FOXN3: variants seen among roughly 807,000 people sequenced by gnomAD.
FOXN3 encodes the protein forkhead box N3, also known as forkhead box protein N3.
Under a neutral mutation model 38.4 loss-of-function variants are expected in FOXN3, and 7 were observed. That is an observed-to-expected ratio of 0.18 (90% CI 0.10 to 0.34). The LOEUF (loss-of-function observed/expected upper bound fraction) is 0.34. Among genes scored for constraint, FOXN3 ranks in the 10% least tolerant of loss-of-function variants. The pLI is 1.00. For missense variants in FOXN3, 456 were observed against 613.4 expected, an observed-to-expected ratio of 0.74 and a Z score of 2.71; for synonymous variants, 230 against 242.2, an observed-to-expected ratio of 0.95 and a Z score of 0.47.
At chr14:89,513,190 AG>A (rs1894132485) in intron 1 of FOXN3, among the ~76,000 whole-genome samples, 2 of 150,576 alleles carry the variant, frequency 1.3e-5, no homozygotes, top group Admixed American at 1.3e-4. Flanking sequence ...GAAAGAAACT[AG>A]GTAGTCACAG....
chr14:89,411,460 G>C (rs1011312178), intron 2 of FOXN3, among the ~76,000 whole-genome samples: 1 of 152,102 alleles, frequency 6.6e-6, no homozygotes, highest in East Asian at 1.9e-4. Context: ...GTTCATCACT[G>C]TCCACTTATG....
chr14:89,473,118 G>A lies in FOXN3; in HGVS notation c.-14-60628C>T, dbSNP rs955633696. Among the ~76,000 whole-genome samples the A allele has an allele frequency of 5.1e-4, 77 of 152,022 alleles. 2 individuals are homozygous for A. The highest frequency in any genetic ancestry group is 4.2e-3 in the Admixed American group (64 of 15,254). ...CAGCTCACTGTAAGCTCCATCTCCCGAGTTCACGCCATTCTCCTGCCTCAG... is the reference window on the plus strand; with the variant it reads ...CAGCTCACTGTAAGCTCCATCTCCCAAGTTCACGCCATTCTCCTGCCTCAG... On this transcript the variant is annotated intron_variant, in intron 1 of 6. Coordinates refer to the FOXN3 transcript ENST00000345097.
intron 4 of FOXN3, among the ~76,000 whole-genome samples, chr14:89,193,293 G>T (rs1200835357): frequency 6.6e-6 from 1 of 151,758 alleles, no homozygotes; most frequent in African/African-American, 2.4e-5. Flanking sequence ...TATTTATATG[G>T]CCAGAAAATT....
chr14:89,592,431 GGCTGTA>G (rs551403447), intron 1 of FOXN3, among the ~76,000 whole-genome samples: 83 of 151,364 alleles, frequency 5.5e-4, no homozygotes, highest in African/African-American at 1.9e-3. Context: ...GACACAACAA[GGCTGTA>G]GTATCATGAA....
intron 5 of FOXN3, among the ~76,000 whole-genome samples, chr14:89,165,375 G>A (rs956660041): frequency 6.6e-6 from 1 of 152,226 alleles, no homozygotes; most frequent in African/African-American, 2.4e-5. Context: ...TGTGGTGCCT[G>A]ATCATGTTTT....
intron 2 of FOXN3, among the ~76,000 whole-genome samples, chr14:89,358,101 G>A (rs1412725703): frequency 6.6e-6 from 1 of 151,968 alleles, no homozygotes; most frequent in African/African-American, 2.4e-5. Flanking sequence ...GCTTCTCAAA[G>A]TACATTCTAT....
At chr14:89,499,221 C>T (rs1223444106) in intron 1 of FOXN3, among the ~76,000 whole-genome samples, 1 of 152,038 alleles carries the variant, frequency 6.6e-6, no homozygotes, top group Non-Finnish European at 1.5e-5. Context: ...TCCCACAGTT[C>T]CCTCCTGTTT....
intron 4 of FOXN3, among the ~76,000 whole-genome samples, chr14:89,241,333 C>T (rs1358347437): frequency 2.0e-5 from 3 of 152,324 alleles, no homozygotes; most frequent in Admixed American, 6.5e-5. Flanking sequence ...CCAACTTCTA[C>T]TCAGCCACTT....
chr14:89,571,943 G>A (rs1435279471), intron 1 of FOXN3, among the ~76,000 whole-genome samples: 1 of 152,170 alleles, frequency 6.6e-6, no homozygotes, highest in Non-Finnish European at 1.5e-5. Flanking sequence ...GAGTCTTATG[G>A]TCCAATTCTT....
At chr14:89,459,490 G>T (rs1892794003) in intron 1 of FOXN3, among the ~76,000 whole-genome samples, 1 of 152,204 alleles carries the variant, frequency 6.6e-6, no homozygotes, top group African/African-American at 2.4e-5. Flanking sequence ...ATGAGCTCCA[G>T]CGAGATTATA....
intron 1 of FOXN3, among the ~76,000 whole-genome samples, chr14:89,617,772 C>G (rs1016122576): frequency 2.6e-5 from 4 of 152,150 alleles, no homozygotes; most frequent in African/African-American, 9.7e-5. Flanking sequence ...AAAGGTATCT[C>G]GAGCAAACTG....
At chr14:89,499,120 C>A (rs1258020377) in intron 1 of FOXN3, among the ~76,000 whole-genome samples, 1 of 152,128 alleles carries the variant, frequency 6.6e-6, no homozygotes. Context: ...CTAATCCTTG[C>A]ATTTACATTT....
chr14:89,368,192 T>C (rs1029929118), intron 2 of FOXN3, among the ~76,000 whole-genome samples: 11 of 151,520 alleles, frequency 7.3e-5, no homozygotes, highest in Non-Finnish European at 1.5e-4. Context: ...TAGCCAGGCA[T>C]GGTGGCACAT....
chr14:89,418,035 C>CTT (rs1292293059), upstream of FOXN3, among the ~76,000 whole-genome samples: 3 of 152,250 alleles, frequency 2.0e-5, no homozygotes, highest in African/African-American at 7.2e-5. Context: ...AGCCACCACT[C>CTT]TAAGTCTCTA....
intron 1 of FOXN3, among the ~76,000 whole-genome samples, chr14:89,453,414 A>G (rs7154892): frequency 0.71 from 106,393 of 150,758 alleles, 37,955 homozygotes; most frequent in Middle Eastern, 0.81. Context: ...AAAAAAATTA[A>G]CCGGGCGTGG....
chr14:89,327,087 G>A (rs1429616853), intron 3 of FOXN3, among the ~76,000 whole-genome samples: 1 of 152,036 alleles, frequency 6.6e-6, no homozygotes, highest in Non-Finnish European at 1.5e-5. Context: ...AAAAGCACAT[G>A]TACACATAGG....
In FOXN3 at chr14:89,373,174, G is replaced by T. The variant is rs569644172; in HGVS notation, c.544-22366C>A. ...GAGCGGGACCCTGTCTCAAAAAAAA[G>T]AAAAAAAACAATTAAATGTAAACCA... On this transcript the variant is annotated intron_variant, in intron 2 of 5. Coordinates refer to ENST00000557258, the MANE Select transcript of FOXN3 (RefSeq NM_005197.4). Among the ~76,000 whole-genome samples the T allele has an allele frequency of 9.3e-5, 14 of 151,206 alleles. No homozygotes were observed. In the South Asian group the frequency reaches 2.3e-3, roughly 25 times the overall value.
chr14:89,364,906 G>T (rs1890092288), intron 2 of FOXN3, among the ~76,000 whole-genome samples: 1 of 152,202 alleles, frequency 6.6e-6, no homozygotes, highest in Admixed American at 6.5e-5. Flanking sequence ...CTGTAGTAGA[G>T]AAGCTGGACG....
intron 2 of FOXN3, among the ~76,000 whole-genome samples, chr14:89,355,715 T>A (rs952651515): frequency 3.3e-5 from 5 of 152,246 alleles, no homozygotes; most frequent in Non-Finnish European, 5.9e-5. Context: ...TTTGCATAGT[T>A]GTGTATATAC....
Sources: allele counts gnomAD v4.1 joint callset (sites outside exome capture counted in the v4.1 genomes callset), GRCh38; gene constraint gnomAD v4.1.1; transcripts MANE v1.5; gene names NCBI Gene and HGNC (gene_info 2026-07-23, HGNC 2026-07-21).